The following PHF24 variants were observed in gnomAD, a reference collection of about 807,000 sequenced individuals.
The protein encoded by PHF24 is Galpha inhibitory interacting protein.
Under a neutral mutation model 42.6 loss-of-function variants are expected in PHF24, and 25 were observed. The ratio of observed to expected loss-of-function variants is 0.59; its 90% CI spans 0.43 to 0.82. The LOEUF (loss-of-function observed/expected upper bound fraction) is 0.82, where lower values mean the gene tolerates loss of function less well. Among genes scored for constraint, PHF24 ranks in the 40% least tolerant of loss-of-function variants. The pLI, the probability that PHF24 is intolerant of heterozygous loss-of-function variation, is 0.00. For synonymous variants in PHF24, 185 were observed against 204.8 expected (o/e 0.90, Z 0.83); for missense variants, 470 against 538.1 (o/e 0.87, Z 1.25).
the PHF24 span, among the ~76,000 whole-genome samples, chr9:34,750,548 G>T: frequency 6.6e-6 from 1 of 150,684 alleles, no homozygotes; most frequent in Non-Finnish European, 1.5e-5. Flanking sequence ...ATAAAGTGGG[G>T]GTATGAAGTT....
chr9:34,889,560 C>T, the PHF24 span: 1 of 398,454 alleles, frequency 2.5e-6, no homozygotes, highest in African/African-American at 2.1e-5. Context: ...TTCCTCATGC[C>T]TTCGATCTTT....
the PHF24 span, among the ~76,000 whole-genome samples, chr9:34,937,076 C>T: frequency 1.2e-4 from 7 of 57,850 alleles, no homozygotes; most frequent in African/African-American, 2.9e-4. Context: ...AGGTGAGGGG[C>T]GCCTCTGCCC....
chr9:34,801,730 A>C, the PHF24 span, among the ~76,000 whole-genome samples: 1 of 152,140 alleles, frequency 6.6e-6, no homozygotes, highest in African/African-American at 2.4e-5. Context: ...CCATCTCAAA[A>C]AAAAAAGAAT....
chr9:34,795,585 A>G, the PHF24 span, among the ~76,000 whole-genome samples: 3 of 152,202 alleles, frequency 2.0e-5, no homozygotes, highest in Non-Finnish European at 2.9e-5. Context: ...GTTGTTTGAA[A>G]TGTTTGACTA....
the PHF24 span, chr9:34,710,016 G>A: frequency 6.2e-7 from 1 of 1,614,088 alleles, no homozygotes. Flanking sequence ...TCCTGGGGAT[G>A]CCAAAGGCCA....
the PHF24 span, among the ~76,000 whole-genome samples, chr9:34,772,462 G>A: frequency 3.3e-5 from 5 of 151,952 alleles, no homozygotes; most frequent in African/African-American, 9.7e-5. Flanking sequence ...GAGGAAGGTC[G>A]GACAAAAATC....
chr9:34,680,391 AAAAAT>A, the PHF24 span, among the ~76,000 whole-genome samples: 1 of 150,860 alleles, frequency 6.6e-6, no homozygotes, highest in African/African-American at 2.4e-5. Context: ...TAAAAAAATA[AAAAAT>A]AAAATAAGAA....
At chr9:34,675,181 C>T in the PHF24 span, among the ~76,000 whole-genome samples, 4 of 152,112 alleles carry the variant, frequency 2.6e-5, no homozygotes, top group African/African-American at 7.2e-5. Context: ...GCTGCTTTTT[C>T]AATCCATCTC....
At chr9:34,944,344 G>A in the PHF24 span, among the ~76,000 whole-genome samples, 1 of 152,230 alleles carries the variant, frequency 6.6e-6, no homozygotes, top group Non-Finnish European at 1.5e-5. Flanking sequence ...ATATGTGATA[G>A]CTAATTCTTT....
At chr9:34,838,627 T>A in the PHF24 span, 1 of 562,074 alleles carries the variant, frequency 1.8e-6, no homozygotes, top group East Asian at 2.9e-5. Context: ...CCAGACTGCA[T>A]CACAAAGCCC....
the PHF24 span, among the ~76,000 whole-genome samples, chr9:34,785,393 C>A: frequency 2.0e-5 from 3 of 152,216 alleles, no homozygotes; most frequent in African/African-American, 4.8e-5. Flanking sequence ...GATTAAGTTG[C>A]AACACATGAA....
chr9:34,725,037 T>C, the PHF24 span: 5 of 1,552,026 alleles, frequency 3.2e-6, no homozygotes, highest in Non-Finnish European at 4.4e-6. Context: ...GGCATAACTT[T>C]GTGATGCAGG....
At chr9:34,819,060 T>C in the PHF24 span, among the ~76,000 whole-genome samples, 1 of 152,186 alleles carries the variant, frequency 6.6e-6, no homozygotes, top group African/African-American at 2.4e-5. Flanking sequence ...AAATTTTATT[T>C]AATCTGTTAA....
intron 1 of PHF24, among the ~76,000 whole-genome samples, chr9:34,960,042 G>A (rs1356559298): frequency 6.6e-6 from 1 of 152,166 alleles, no homozygotes; most frequent in East Asian, 1.9e-4. Context: ...TCTGTTAGGG[G>A]GAGCGCAAAG....
the PHF24 span, among the ~76,000 whole-genome samples, chr9:34,743,547 T>C: frequency 2.6e-5 from 4 of 152,230 alleles, no homozygotes; most frequent in African/African-American, 9.6e-5. Context: ...ATAATTGTTT[T>C]AACTACGTGG....
chr9:34,910,467 C>T, the PHF24 span, among the ~76,000 whole-genome samples: 1 of 152,174 alleles, frequency 6.6e-6, no homozygotes, highest in East Asian at 1.9e-4. Flanking sequence ...TCGCTACATA[C>T]ATACAAAATA....
At chr9:34,717,545 A>G in the PHF24 span, among the ~76,000 whole-genome samples, 136,609 of 148,334 alleles carry the variant, frequency 0.92, 63,805 homozygotes, top group East Asian at 1. Context: ...AGGGCAGTGG[A>G]CTCTCTTCCT....
the PHF24 span, among the ~76,000 whole-genome samples, chr9:34,844,968 C>A: frequency 6.6e-6 from 1 of 152,086 alleles, no homozygotes; most frequent in Non-Finnish European, 1.5e-5. Flanking sequence ...TCCCTTTAGA[C>A]CTATTGATAT....
At chr9:34,771,074 G>C in the PHF24 span, among the ~76,000 whole-genome samples, 2 of 152,062 alleles carry the variant, frequency 1.3e-5, no homozygotes, top group Non-Finnish European at 2.9e-5. Flanking sequence ...GATTGAGCCA[G>C]TGCACTCCAG....
Sources: allele counts gnomAD v4.1 joint callset (sites outside exome capture counted in the v4.1 genomes callset), GRCh38; gene constraint gnomAD v4.1.1; transcripts MANE v1.5; gene names NCBI Gene and HGNC (gene_info 2026-07-23, HGNC 2026-07-21).